The following GFOD1 variants were observed in gnomAD, a reference collection of about 807,000 sequenced individuals.
GFOD1 encodes the protein Gfo/Idh/MocA-like oxidoreductase domain containing 1.
GFOD1 carries 9 observed loss-of-function variants against 25.4 expected under a neutral mutation model. The observed-to-expected ratio is 0.35, with a 90% confidence interval of 0.21 to 0.62. The LOEUF (loss-of-function observed/expected upper bound fraction) is 0.62, where lower values mean the gene tolerates loss of function less well. Among genes scored for constraint, GFOD1 ranks in the 20% least tolerant of loss-of-function variants. The probability of loss-of-function intolerance (pLI) is 0.72; values close to 1 mark genes in which losing one functional copy is unlikely to be tolerated. For synonymous variants in GFOD1, 253 were observed against 245.6 expected, an observed-to-expected ratio of 1.03 and a Z score of -0.28; for missense variants, 403 against 556.9, an observed-to-expected ratio of 0.72 and a Z score of 2.78.
At chr6:13,480,362 C>T (rs576458744) in intron 1 of GFOD1, among the ~76,000 whole-genome samples, 5 of 152,162 alleles carry the variant, frequency 3.3e-5, no homozygotes, top group Non-Finnish European at 5.9e-5. Flanking sequence ...TATTTTAGCA[C>T]GGTTCCCCTG....
At chr6:13,478,338 G>A (rs1023405131) in intron 1 of GFOD1, among the ~76,000 whole-genome samples, 8 of 152,024 alleles carry the variant, frequency 5.3e-5, no homozygotes, top group Non-Finnish European at 7.4e-5. Context: ...CAGGATTTCA[G>A]CATGTTGGCC....
intron 1 of GFOD1, among the ~76,000 whole-genome samples, chr6:13,381,915 G>GCGCGCACACACACA (rs748305101): frequency 6.4e-5 from 9 of 140,050 alleles, no homozygotes; most frequent in African/African-American, 2.4e-4. Context: ...ACGCGCGCGC[G>GCGCGCACACACACA]CACACACACA....
intron 1 of GFOD1, among the ~76,000 whole-genome samples, chr6:13,370,375 T>C (rs899099336): frequency 6.6e-6 from 1 of 152,224 alleles, no homozygotes; most frequent in Admixed American, 6.5e-5. Flanking sequence ...GGCATCATCA[T>C]ACATTCACAA....
intron 1 of GFOD1, among the ~76,000 whole-genome samples, chr6:13,367,927 T>A (rs6912427): frequency 0.057 from 8,732 of 152,054 alleles, 832 homozygotes; most frequent in African/African-American, 0.2. Context: ...CAGCCGCAGA[T>A]GTGGGAGAGA....
chr6:13,452,049 A>G (rs2127573965), intron 1 of GFOD1, among the ~76,000 whole-genome samples: 1 of 152,296 alleles, frequency 6.6e-6, no homozygotes, highest in East Asian at 1.9e-4. Flanking sequence ...GAAAAAGTGA[A>G]TGGTCAAAGA....
intron 1 of GFOD1, among the ~76,000 whole-genome samples, chr6:13,462,558 C>T (rs1306003965): frequency 6.6e-6 from 1 of 152,186 alleles, no homozygotes; most frequent in African/African-American, 2.4e-5. Flanking sequence ...CCAAGTGATA[C>T]AGTCTGCCAA....
At chr6:13,389,938 T>C (rs1255094188) in intron 1 of GFOD1, among the ~76,000 whole-genome samples, 1 of 152,098 alleles carries the variant, frequency 6.6e-6, no homozygotes, top group Non-Finnish European at 1.5e-5. Flanking sequence ...CCCCTGCATT[T>C]CCTCTGCTCA....
chr6:13,409,157 A>AG (rs1786012195), intron 1 of GFOD1, among the ~76,000 whole-genome samples: 2 of 63,226 alleles, frequency 3.2e-5, no homozygotes, highest in African/African-American at 1.3e-4. Context: ...AAGAGAGGAA[A>AG]GAAAGAAAGG....
chr6:13,406,624 G>A (rs1785952580), intron 1 of GFOD1, among the ~76,000 whole-genome samples: 1 of 152,168 alleles, frequency 6.6e-6, no homozygotes, highest in African/African-American at 2.4e-5. Context: ...GATGCTAAGT[G>A]CAAAGATCTA....
At chr6:13,478,073 A>AC (rs200350585) in intron 1 of GFOD1, among the ~76,000 whole-genome samples, 470 of 151,912 alleles carry the variant, frequency 3.1e-3, no homozygotes, top group Non-Finnish European at 4.7e-3. Flanking sequence ...CAAAAAAAAA[A>AC]AAAACAAAAC....
At chr6:13,484,263 T>G (rs1758817122) in intron 1 of GFOD1, among the ~76,000 whole-genome samples, 1 of 152,094 alleles carries the variant, frequency 6.6e-6, no homozygotes, top group Admixed American at 6.5e-5. Flanking sequence ...CAATTCAAAG[T>G]CCAGGCCTTT....
chr6:13,397,440 C>G (rs55681397), intron 1 of GFOD1, among the ~76,000 whole-genome samples: 6,429 of 152,304 alleles, frequency 0.042, 344 homozygotes, highest in African/African-American at 0.13. Flanking sequence ...AGAAAGTGAT[C>G]TGCATCTTCA....
intron 1 of GFOD1, among the ~76,000 whole-genome samples, chr6:13,373,705 T>A (rs1785192598): frequency 1.3e-5 from 2 of 151,104 alleles, no homozygotes; most frequent in Admixed American, 1.3e-4. Flanking sequence ...TTTCCCCTTT[T>A]ATTTTTCTTC....
chr6:13,394,570 G>A (rs533827389), intron 1 of GFOD1, among the ~76,000 whole-genome samples: 1 of 141,348 alleles, frequency 7.1e-6, no homozygotes, highest in South Asian at 2.2e-4. Context: ...AAACTCCTGG[G>A]CCCAAGCAAT....
At position 13,452,913 on chromosome 6, in the gene GFOD1, C is replaced by T. The variant is rs757424044; in HGVS notation, c.253+33725G>A. On this transcript the variant is annotated intron_variant, in intron 1 of 1. Transcript: ENST00000379287. ...GCTGTAAAATATCTAGTTAGACAGT[C>T]CCACCATCCCTTTTCCAGGGATTCT... Among the ~76,000 whole-genome samples the T allele has an allele frequency of 2.0e-5, 3 of 152,300 alleles. No individual in the cohort carries two copies. The South Asian group carries it at 6.2e-4, about 32-fold the overall frequency.
intron 1 of GFOD1, among the ~76,000 whole-genome samples, chr6:13,468,190 T>G (rs1422885621): frequency 1.3e-5 from 2 of 152,182 alleles, no homozygotes; most frequent in African/African-American, 2.4e-5. Flanking sequence ...ATTTTCTAGG[T>G]GTGTGTGCGT....
intron 1 of GFOD1, among the ~76,000 whole-genome samples, chr6:13,404,980 C>G (rs1240372126): frequency 5.3e-5 from 8 of 152,176 alleles, no homozygotes; most frequent in Non-Finnish European, 1.2e-4. Flanking sequence ...GCACCACAAG[C>G]CCCACCATTC....
intron 1 of GFOD1, among the ~76,000 whole-genome samples, chr6:13,471,000 T>TC (rs1758491288): frequency 6.6e-6 from 1 of 151,892 alleles, no homozygotes. Flanking sequence ...AGTAAGTACG[T>TC]ATTAGTTGAG....
Position 13,360,672 on chromosome 6 carries a change from C to T in GFOD1, c.*4071G>A, listed in dbSNP as rs1180248879. 2 of 454,250 alleles carry T rather than the reference C, an allele frequency of 4.4e-6. No individual in the cohort carries two copies. Among genetic ancestry groups the T allele is most frequent in the South Asian group, 1.5e-5 (1 of 64,532 alleles). The allele number at this position is 454,250 out of a possible 1,614,324, so 28.1% of individuals were successfully genotyped here. A position where few individuals can be genotyped will look rare whatever the true frequency, so the allele number is the denominator to read the frequency against. ...ATTTTGGAATGGGAAGAAACACTGGCTACTTCTATGTGCAGCTCTACAGCC... is the reference window on the plus strand; with the variant it reads ...ATTTTGGAATGGGAAGAAACACTGGTTACTTCTATGTGCAGCTCTACAGCC... On this transcript the variant is annotated 3_prime_UTR_variant, in exon 2 of 2. Coordinates refer to ENST00000379287, the MANE Select transcript of GFOD1 (RefSeq NM_018988.4).
Sources: allele counts gnomAD v4.1 joint callset (sites outside exome capture counted in the v4.1 genomes callset), GRCh38; gene constraint gnomAD v4.1.1; transcripts MANE v1.5; gene names NCBI Gene and HGNC (gene_info 2026-07-23, HGNC 2026-07-21).